The following PRR5 variants were observed in gnomAD, a reference collection of about 807,000 sequenced individuals.
PRR5 encodes the protein proline-rich protein 5.
A neutral mutation model predicts 30.6 loss-of-function variants in PRR5; 25 were observed. That is an observed-to-expected ratio of 0.82 (90% CI 0.60 to 1.14). The LOEUF is 1.14. Among genes scored for constraint, PRR5 ranks in the 50% most tolerant of loss-of-function variants. PRR5 has a pLI of 0.00. For synonymous variants in PRR5, 286 were observed against 247.1 expected, an observed-to-expected ratio of 1.16 and a Z score of -1.48; for missense variants, 600 against 547.1, an observed-to-expected ratio of 1.10 and a Z score of -0.96.
intron 1 of PRR5, among the ~76,000 whole-genome samples, chr22:44,711,150 GGGCAGGTGTTCGCT>G (rs1227753898): frequency 6.6e-6 from 1 of 152,192 alleles, no homozygotes; most frequent in African/African-American, 2.4e-5. Flanking sequence ...TGGCGTTCGC[GGGCAGGTGTTCGCT>G]GGCAGGTGCT....
intron 1 of PRR5, among the ~76,000 whole-genome samples, chr22:44,710,294 C>A (rs888858569): frequency 6.6e-6 from 1 of 150,748 alleles, no homozygotes. Flanking sequence ...CACCCCCCCC[C>A]CAGCGCTCAG....
At chr22:44,722,677 G>T (rs987913223) in intron 2 of PRR5, among the ~76,000 whole-genome samples, 1 of 152,220 alleles carries the variant, frequency 6.6e-6, no homozygotes, top group African/African-American at 2.4e-5. Flanking sequence ...TGTTTGGGGG[G>T]ATGGTATGTT....
At chr22:44,716,400 G>C (rs967610890) in intron 2 of PRR5, among the ~76,000 whole-genome samples, 1 of 152,232 alleles carries the variant, frequency 6.6e-6, no homozygotes, top group African/African-American at 2.4e-5. Flanking sequence ...CAAACCTGTA[G>C]TGGCTCTTGC....
chr22:44,713,627 G>A (rs1288245552), intron 1 of PRR5, among the ~76,000 whole-genome samples: 1 of 151,632 alleles, frequency 6.6e-6, no homozygotes, highest in Non-Finnish European at 1.5e-5. Flanking sequence ...TGGCCTCCCA[G>A]AGTGCTGGGA....
intron 2 of PRR5, among the ~76,000 whole-genome samples, chr22:44,716,212 G>T (rs1347075796): frequency 1.3e-5 from 2 of 152,244 alleles, no homozygotes; most frequent in Non-Finnish European, 2.9e-5. Flanking sequence ...TTCTACCCAA[G>T]AAATGGGTAA....
At position 44,736,685 on chromosome 22, in the gene PRR5, G is replaced by C. The variant is rs1923319187; in HGVS notation, c.692-87G>C. 2.5e-5 allele frequency: 37 copies of C among 1,487,428 alleles called. No individual in the cohort carries two copies. The South Asian group carries it at 5.0e-4, about 20-fold the overall frequency. 92.1% of individuals were successfully genotyped at this position (1,487,428 alleles called of 1,614,324 possible). On this transcript the variant is annotated intron_variant, in intron 7 of 7. Coordinates refer to ENST00000336985, the MANE Select transcript of PRR5 (RefSeq NM_181333.4). ...CTTCCCTGCAGCTGCCCCTGCACAG[G>C]GACCCAGTGTGCAGTGAGCAGCAGG...
chr22:44,690,751 G>T (rs1469308902), intron 1 of PRR5, among the ~76,000 whole-genome samples: 2 of 152,188 alleles, frequency 1.3e-5, no homozygotes, highest in African/African-American at 4.8e-5. Context: ...AACCCAGCCG[G>T]AGGATGAGGA....
chr22:44,717,301 C>T (rs1929219482), intron 2 of PRR5, among the ~76,000 whole-genome samples: 1 of 149,718 alleles, frequency 6.7e-6, no homozygotes, highest in Non-Finnish European at 1.5e-5. Context: ...AAGCGATTCT[C>T]CTGCCTCGGC....
In PRR5 at chr22:44,680,672, T is replaced by C. The variant is rs183947989; in HGVS notation, c.-11+3432T>C. ...CACAGCAGGTGGGCTGGGACGTCTC[T>C]CTGAGCTGCAGATCCCCTGGTTGGG... On this transcript the variant is annotated intron_variant, in intron 1 of 8. Coordinates refer to the PRR5 transcript ENST00000006251. Among the ~76,000 whole-genome samples, 133 of 152,270 alleles carry C rather than the reference T, an allele frequency of 8.7e-4. 1 individual carries two copies. Among genetic ancestry groups the C allele is most frequent in the African/African-American group, 2.9e-3 (121 of 41,586 alleles).
At chr22:44,735,933 C>T (rs553338449) in intron 7 of PRR5, among the ~76,000 whole-genome samples, 10 of 152,320 alleles carry the variant, frequency 6.6e-5, no homozygotes, top group African/African-American at 2.4e-4. Context: ...CTTGGTGTAG[C>T]CCTGGATGGC....
intron 4 of PRR5, chr22:44,730,601 C>G (rs1921771025): frequency 3.0e-6 from 3 of 992,526 alleles, no homozygotes; most frequent in Non-Finnish European, 3.6e-6. Flanking sequence ...ACCTACGTAT[C>G]TGTTTCAGAG....
chr22:44,717,282 C>A (rs1414585595), intron 2 of PRR5, among the ~76,000 whole-genome samples: 1 of 150,478 alleles, frequency 6.6e-6, no homozygotes, highest in Non-Finnish European at 1.5e-5. Context: ...ACCTCCGCCT[C>A]CCGGGTTCAA....
chr22:44,705,927 G>A (rs1393900248), intron 1 of PRR5, among the ~76,000 whole-genome samples: 6 of 152,114 alleles, frequency 3.9e-5, no homozygotes. Context: ...AAGTAGCTGG[G>A]ATTGTAGGCG....
chr22:44,692,474 C>T (rs530357077), intron 1 of PRR5, among the ~76,000 whole-genome samples: 3 of 132,422 alleles, frequency 2.3e-5, no homozygotes, highest in Non-Finnish European at 5.1e-5. Context: ...TTCTTCCTCC[C>T]GGGGGCTCCT....
intron 3 of PRR5, among the ~76,000 whole-genome samples, chr22:44,726,062 C>G (rs187062067): frequency 6.6e-6 from 1 of 152,340 alleles, no homozygotes; most frequent in Non-Finnish European, 1.5e-5. Flanking sequence ...GGAGCACAAG[C>G]CAGTGCTTCA....
upstream of PRR5, among the ~76,000 whole-genome samples, chr22:44,673,366 A>G (rs962073124): frequency 6.6e-6 from 1 of 152,230 alleles, no homozygotes; most frequent in Non-Finnish European, 1.5e-5. Context: ...CTGCCAAATA[A>G]TAATGGCCAA....
intron 3 of PRR5, 111 bp from the exon 4 acceptor site, chr22:44,726,466 C>T (rs1920950805): frequency 6.7e-7 from 1 of 1,498,300 alleles, no homozygotes; most frequent in African/African-American, 1.4e-5. Flanking sequence ...AGTCTCCTCC[C>T]CCTTTAAGCC....
intron 1 of PRR5, among the ~76,000 whole-genome samples, chr22:44,712,304 C>T (rs1450878527): frequency 6.6e-6 from 1 of 152,210 alleles, no homozygotes; most frequent in East Asian, 1.9e-4. Flanking sequence ...GCTGATGAAG[C>T]CCTGGGCAGA....
intron 2 of PRR5, among the ~76,000 whole-genome samples, chr22:44,720,075 C>T (rs544111771): frequency 1.1e-4 from 16 of 152,200 alleles, no homozygotes; most frequent in Non-Finnish European, 1.9e-4. Flanking sequence ...CCCCTCTTCT[C>T]CCTCCCTGGC....
Sources: gnomAD v4.1 joint callset for allele counts (sites outside exome capture counted in the v4.1 genomes callset) on GRCh38, gnomAD v4.1.1 for gene constraint, MANE v1.5 for transcripts, NCBI Gene and HGNC (gene_info 2026-07-23, HGNC 2026-07-21) for gene names.